The following RIMS2 variants were observed in gnomAD, a reference collection of about 807,000 sequenced individuals.
RIMS2 encodes regulating synaptic membrane exocytosis protein 2.
Under a neutral mutation model 174.4 loss-of-function variants are expected in RIMS2, and 59 were observed. That is an observed-to-expected ratio of 0.34 (90% CI 0.27 to 0.42). RIMS2 has a LOEUF of 0.42. RIMS2 is among the 10% of genes least tolerant of loss of function. The pLI is 1.00. For missense variants in RIMS2, 1,620 were observed against 1,666.3 expected, an observed-to-expected ratio of 0.97 and a Z score of 0.48; for synonymous variants, 606 against 572.5, an observed-to-expected ratio of 1.06 and a Z score of -0.84.
chr8:103,874,119 C>A (rs1261508529), intron 3 of RIMS2, among the ~76,000 whole-genome samples: 1 of 152,082 alleles, frequency 6.6e-6, no homozygotes, highest in South Asian at 2.1e-4. Context: ...ATATTGACTC[C>A]ATTTGGGGAA....
intron 1 of RIMS2, among the ~76,000 whole-genome samples, chr8:103,556,126 A>G (rs571406981): frequency 5.3e-5 from 8 of 152,326 alleles, no homozygotes; most frequent in East Asian, 1.9e-4. Flanking sequence ...CATATATTGT[A>G]TAACATGGTG....
chr8:103,790,523 T>G (rs577753709), intron 3 of RIMS2, among the ~76,000 whole-genome samples: 1 of 152,224 alleles, frequency 6.6e-6, no homozygotes, highest in Non-Finnish European at 1.5e-5. Flanking sequence ...AGTTTCTCCT[T>G]TTTAGCCTTA....
intron 19 of RIMS2, among the ~76,000 whole-genome samples, chr8:104,188,567 A>G (rs2098981723): frequency 6.6e-6 from 1 of 151,862 alleles, no homozygotes; most frequent in Admixed American, 6.6e-5. Flanking sequence ...TGCCCAATAT[A>G]AGAGGTATTC....
At chr8:104,195,720 G>T (rs2099020932) in intron 19 of RIMS2, among the ~76,000 whole-genome samples, 1 of 151,864 alleles carries the variant, frequency 6.6e-6, no homozygotes, top group Admixed American at 6.6e-5. Context: ...TCACTGTATT[G>T]CCCAGGATGG....
intron 3 of RIMS2, among the ~76,000 whole-genome samples, chr8:103,814,721 A>T (rs1051873275): frequency 6.6e-6 from 1 of 152,058 alleles, no homozygotes; most frequent in Non-Finnish European, 1.5e-5. Flanking sequence ...TCTACAAGAA[A>T]ATCAAAAATT....
At position 104,051,637 on chromosome 8, in the gene RIMS2, A is replaced by G. The variant is rs1175740534; in HGVS notation, c.3334+37022A>G. 7.2e-5 allele frequency among the ~76,000 whole-genome samples: 11 copies of G among 152,272 alleles called. 1 individual carries two copies. Among genetic ancestry groups the G allele is most frequent in the Non-Finnish European group, 7.4e-5 (5 of 68,026 alleles). Reference sequence around the variant, plus strand: ...GAAGGAAAGATGCTGGAAAAAGAGAAAAGAATGAAATAAAATTTGACTCTT... The same window carrying G: ...GAAGGAAAGATGCTGGAAAAAGAGAGAAGAATGAAATAAAATTTGACTCTT... On this transcript the variant is annotated intron_variant, in intron 19 of 23. Coordinates refer to ENST00000504942, the Ensembl canonical transcript of RIMS2.
chr8:103,949,358 A>T (rs2084750950), intron 14 of RIMS2, among the ~76,000 whole-genome samples: 1 of 152,182 alleles, frequency 6.6e-6, no homozygotes. Flanking sequence ...CTTCTCTCCA[A>T]GTTCATTGAG....
chr8:103,736,961 G>A (rs769334782), intron 2 of RIMS2, among the ~76,000 whole-genome samples: 13 of 152,010 alleles, frequency 8.6e-5, no homozygotes, highest in Non-Finnish European at 1.8e-4. Context: ...AATTCCAAGA[G>A]TGAGAGAATA....
chr8:103,568,990 A>G, intron 1 of RIMS2: 1 of 522,896 alleles, frequency 1.9e-6, no homozygotes, highest in Non-Finnish European at 3.5e-6. Flanking sequence ...CCGTGTTCCT[A>G]TCGCTCTTTT....
chr8:103,901,580 G>A (rs2073124929), intron 4 of RIMS2, among the ~76,000 whole-genome samples: 2 of 152,180 alleles, frequency 1.3e-5, no homozygotes, highest in Admixed American at 1.3e-4. Flanking sequence ...TTTCTAGAAT[G>A]TGAATTTCTT....
intron 19 of RIMS2, among the ~76,000 whole-genome samples, chr8:104,197,111 T>A (rs536746487): frequency 6.6e-6 from 1 of 152,284 alleles, no homozygotes; most frequent in East Asian, 1.9e-4. Context: ...GCAATTTATT[T>A]TGATGGTATG....
At chr8:103,506,231 A>G (rs1231047358) in intron 1 of RIMS2, among the ~76,000 whole-genome samples, 2 of 152,138 alleles carry the variant, frequency 1.3e-5, no homozygotes, top group East Asian at 3.8e-4. Flanking sequence ...CTTATATTTT[A>G]TGAAAGAGTA....
At chr8:103,595,528 C>G (rs891958575) in intron 1 of RIMS2, among the ~76,000 whole-genome samples, 1 of 151,866 alleles carries the variant, frequency 6.6e-6, no homozygotes, top group Non-Finnish European at 1.5e-5. Context: ...AAAGGATAGA[C>G]TTACTCTCAA....
At chr8:103,509,785 A>G (rs572391353) in intron 1 of RIMS2, among the ~76,000 whole-genome samples, 25 of 152,248 alleles carry the variant, frequency 1.6e-4, no homozygotes, top group African/African-American at 6.0e-4. Flanking sequence ...TACAAAATTG[A>G]AGACAACTAG....
At chr8:103,986,800 G>A (rs2094393087) in intron 16 of RIMS2, among the ~76,000 whole-genome samples, 1 of 151,648 alleles carries the variant, frequency 6.6e-6, no homozygotes, top group South Asian at 2.1e-4. Context: ...TTGTACCTGG[G>A]AGGTGGAGGT....
At chr8:104,206,340 A>T (rs2099080135) in intron 19 of RIMS2, among the ~76,000 whole-genome samples, 2 of 152,256 alleles carry the variant, frequency 1.3e-5, no homozygotes. Context: ...TGAACTTTAG[A>T]AACAAAAAAT....
At chr8:104,186,816 C>T (rs1158483596) in intron 19 of RIMS2, among the ~76,000 whole-genome samples, 1 of 151,718 alleles carries the variant, frequency 6.6e-6, no homozygotes, top group Non-Finnish European at 1.5e-5. Context: ...TGGCCTTTTG[C>T]CTATTCTAGG....
At chr8:103,701,870 T>C (rs1373340128) in intron 2 of RIMS2, among the ~76,000 whole-genome samples, 1 of 152,178 alleles carries the variant, frequency 6.6e-6, no homozygotes, top group Non-Finnish European at 1.5e-5. Flanking sequence ...ATTTTGGCTA[T>C]TGTGAATAGG....
In RIMS2 at chr8:103,908,102, C is replaced by T. The variant is rs189426725; in HGVS notation, c.1625-2032C>T. Among the ~76,000 whole-genome samples the T allele has an allele frequency of 4.2e-3, 626 of 149,612 alleles. 2 individuals are homozygous for T. The highest frequency in any genetic ancestry group is 6.6e-3 in the Non-Finnish European group (447 of 67,354). ...CTGTCTCCAGGCTGGAGTGCAGTGG[C>T]GCAATCTCAGCTCACTGCAACCTCC... On this transcript the variant is annotated intron_variant, in intron 4 of 23. Transcript: ENST00000504942.
Sources: allele counts gnomAD v4.1 joint callset (sites outside exome capture counted in the v4.1 genomes callset), GRCh38; gene constraint gnomAD v4.1.1; transcripts MANE v1.5; gene names NCBI Gene and HGNC (gene_info 2026-07-23, HGNC 2026-07-21).